Variants in TTBK2 observed in about 807,000 individuals in gnomAD.
TTBK2 encodes tau tubulin kinase 2, also known as tau-tubulin kinase 2.
TTBK2 carries 28 observed loss-of-function variants against 110.8 expected under a neutral mutation model. The observed-to-expected ratio is 0.25, with a 90% CI of 0.19 to 0.35. The LOEUF is 0.35. TTBK2 is among the 10% of genes least tolerant of loss of function. The pLI, the probability that TTBK2 is intolerant of heterozygous loss-of-function variation, is 1.00. For missense variants in TTBK2, 1,369 were observed against 1,500.3 expected (o/e 0.91, Z 1.45); for synonymous variants, 532 against 527.3 (o/e 1.01, Z -0.12).
At chr15:42,865,785 T>G (rs1894351959) in intron 3 of TTBK2, among the ~76,000 whole-genome samples, 1 of 152,048 alleles carries the variant, frequency 6.6e-6, no homozygotes, top group African/African-American at 2.4e-5. Context: ...ATCACACCGC[T>G]GTACTCTAGC....
intron 9 of TTBK2, chr15:42,801,052 T>C: frequency 1.3e-6 from 1 of 768,736 alleles, no homozygotes; most frequent in Non-Finnish European, 2.4e-6. Context: ...GAGGAGCTGG[T>C]GTGGCTGAAG....
At position 42,775,339 on chromosome 15, in the gene TTBK2, G is replaced by A. The variant is rs1266400768; in HGVS notation, c.1794C>T (p.Leu598=). The A allele has an allele frequency of 2.5e-6, 4 of 1,614,044 alleles. No individual in the cohort carries two copies. The African/African-American group carries it at 4.0e-5, about 16-fold the overall frequency. ...VLEASPQDEK[L]QLGPWAENDH... is the part of the protein sequence containing the mutation. ...CATTTTCTGCCCAAGGACCTAACTG[G>A]AGCTTTTCATCTTGAGGTGATGCCT... Residue 598 remains leucine, a synonymous_variant, in exon 13 of 15, where the codon CTC becomes CTT. Transcript: ENST00000267890.
In TTBK2 at chr15:42,752,012, T is replaced by C; in HGVS notation, c.3234A>G (p.Pro1078=). Residue 1078 remains proline (P), a synonymous_variant, in exon 14 of 15, where the codon CCA becomes CCG. Coordinates refer to ENST00000267890, the MANE Select transcript of TTBK2 (RefSeq NM_173500.4). ...CAGGCCTCGTGGGTGGCTTTCCTGG[T>C]GGTGGCCGAGGAAAGAACTGAGACG... ...STSSQFFPRP[P]PGKPPTRPGV... 2 of 1,614,196 alleles carry C rather than the reference T, an allele frequency of 1.2e-6. No individual in the cohort carries two copies. Among genetic ancestry groups the C allele is most frequent in the South Asian group, 2.2e-5 (2 of 91,076 alleles).
At chr15:42,872,416 C>G (rs1236431827) in intron 3 of TTBK2, among the ~76,000 whole-genome samples, 195 bp downstream of exon 3, 2 of 152,160 alleles carry the variant, frequency 1.3e-5, no homozygotes, top group Non-Finnish European at 2.9e-5. Flanking sequence ...CCCAATTATT[C>G]TAAGTAATTA....
intron 9 of TTBK2, chr15:42,798,247 C>T (rs1438679670): frequency 5.0e-5 from 23 of 456,202 alleles, no homozygotes; most frequent in South Asian, 3.6e-4. Context: ...AGAACAGGGA[C>T]TCACTGTGGC....
chr15:42,830,042 G>C lies in TTBK2; in HGVS notation c.328C>G (p.Arg110Gly), dbSNP rs749305334. The C allele has an allele frequency of 2.5e-6, 4 of 1,614,082 alleles. No homozygotes were observed. In the East Asian group the frequency reaches 8.9e-5, roughly 36 times the overall value. The stretch of plus-strand genomic sequence containing the variant: ...GTGGTACTAATGGTGAATGTGCCTC[G>C]GGACTGGCTACGGCGAAGATCTGCC... ...NLADLRRSQS[R>G]GTFTISTTLR... is the part of the protein sequence containing the mutation. Residue 110 changes from arginine (R) to glycine (G), a missense_variant, in exon 5 of 15, where the codon CGA becomes GGA. This residue lies in a region of TTBK2 where 122 missense variants were observed against 159.7 expected (regional missense o/e 0.76). Coordinates refer to ENST00000267890, the MANE Select transcript of TTBK2 (RefSeq NM_173500.4).
intron 1 of TTBK2, among the ~76,000 whole-genome samples, chr15:42,885,781 C>A (rs1484072097): frequency 2.6e-5 from 4 of 152,244 alleles, no homozygotes; most frequent in South Asian, 4.1e-4. Context: ...CTATGGGCAA[C>A]CTTCCACCCT....
rs141131378 is a variant in TTBK2 at position 42,807,863 on chromosome 15, T to G, written c.822+2751A>C. On this transcript the variant is annotated intron_variant, in intron 9 of 14. Transcript: ENST00000267890. The stretch of plus-strand genomic sequence containing the variant: ...CATTTATTTTAACAGACAGAAAACA[T>G]TATTTATGCACTTATAGGGTTAATT... 3.7e-3 allele frequency among the ~76,000 whole-genome samples: 563 copies of G among 152,310 alleles called. 2 individuals carry two copies. The highest frequency in any genetic ancestry group is 0.013 in the African/African-American group (538 of 41,562).
intron 1 of TTBK2, among the ~76,000 whole-genome samples, chr15:42,911,903 G>C (rs761824557): frequency 6.6e-6 from 1 of 152,060 alleles, no homozygotes; most frequent in African/African-American, 2.4e-5. Flanking sequence ...CACAGTGGAA[G>C]AACTGTCTTA....
chr15:42,763,736 A>T (rs1889216442), intron 13 of TTBK2, among the ~76,000 whole-genome samples: 1 of 151,988 alleles, frequency 6.6e-6, no homozygotes, highest in African/African-American at 2.4e-5. Context: ...CACTTTGGCC[A>T]ATGTGGATTG....
At chr15:42,820,729 A>T (rs745976596) in intron 6 of TTBK2, among the ~76,000 whole-genome samples, 2 of 152,142 alleles carry the variant, frequency 1.3e-5, no homozygotes, top group Non-Finnish European at 2.9e-5. Flanking sequence ...GGCCAGGCAC[A>T]GTAGTTCATG....
intron 13 of TTBK2, among the ~76,000 whole-genome samples, chr15:42,762,875 T>C (rs6493063): frequency 0.27 from 40,511 of 150,802 alleles, 6,228 homozygotes; most frequent in African/African-American, 0.41. Flanking sequence ...GAAAGACAAA[T>C]ACCGCATGTT....
At chr15:42,818,125 T>C (rs1410601537) in intron 6 of TTBK2, among the ~76,000 whole-genome samples, 2 of 152,156 alleles carry the variant, frequency 1.3e-5, no homozygotes, top group Non-Finnish European at 2.9e-5. Flanking sequence ...GCCCAGGCTA[T>C]AGTGCAGTGG....
intron 1 of TTBK2, among the ~76,000 whole-genome samples, chr15:42,888,532 T>C (rs1451730179): frequency 6.6e-6 from 1 of 152,072 alleles, no homozygotes; most frequent in African/African-American, 2.4e-5. Flanking sequence ...CTTCCATATC[T>C]ATCATTGAGG....
intron 3 of TTBK2, among the ~76,000 whole-genome samples, chr15:42,856,490 C>T (rs1162531193): frequency 1.3e-5 from 2 of 152,040 alleles, no homozygotes; most frequent in African/African-American, 2.4e-5. Flanking sequence ...TTGAACAAAG[C>T]CACCTGTAAA....
intron 13 of TTBK2, among the ~76,000 whole-genome samples, chr15:42,763,157 CAT>C (rs1567008803): frequency 0.093 from 1,902 of 20,456 alleles, 70 homozygotes; most frequent in Middle Eastern, 0.12. Flanking sequence ...TATATATATA[CAT>C]ATATATATAT....
At chr15:42,761,936 A>G (rs560700409) in intron 13 of TTBK2, among the ~76,000 whole-genome samples, 1 of 152,322 alleles carries the variant, frequency 6.6e-6, no homozygotes, top group East Asian at 1.9e-4. Context: ...TAACTGAATC[A>G]TGGGGGCAGG....
chr15:42,794,029 C>T (rs12908349), intron 10 of TTBK2, among the ~76,000 whole-genome samples: 18,444 of 149,356 alleles, frequency 0.12, 1,305 homozygotes, highest in South Asian at 0.23. Flanking sequence ...GATCCTTCTG[C>T]CTCAGCATTT....
At chr15:42,879,868 G>A (rs935203702) in intron 1 of TTBK2, among the ~76,000 whole-genome samples, 2 of 151,862 alleles carry the variant, frequency 1.3e-5, no homozygotes, top group African/African-American at 4.8e-5. Context: ...GTGGTTGCAT[G>A]TACTCGTAAT....
Sources: gnomAD v4.1 joint callset for allele counts (sites outside exome capture counted in the v4.1 genomes callset) on GRCh38, gnomAD v4.1.1 for gene constraint, gnomAD v4.1.1 regional missense constraint, MANE v1.5 for transcripts, NCBI Gene and HGNC (gene_info 2026-07-23, HGNC 2026-07-21) for gene names.